Variants in GRM8 observed in about 807,000 individuals in gnomAD.
The protein encoded by GRM8 is glutamate metabotropic receptor 8.
GRM8 carries 47 observed loss-of-function variants against 87.2 expected under a neutral mutation model. The ratio of observed to expected loss-of-function variants is 0.54; its 90% CI spans 0.43 to 0.69. The LOEUF is 0.69. GRM8 is among the 30% of genes least tolerant of loss of function. The pLI, the probability that GRM8 is intolerant of heterozygous loss-of-function variation, is 0.00. For missense variants in GRM8, 1,019 were observed against 1,139.2 expected, an observed-to-expected ratio of 0.89 and a Z score of 1.52; for synonymous variants, 396 against 404.5, an observed-to-expected ratio of 0.98 and a Z score of 0.25.
At chr7:126,645,593 G>T (rs375433165) in intron 7 of GRM8, among the ~76,000 whole-genome samples, 1 of 152,156 alleles carries the variant, frequency 6.6e-6, no homozygotes, top group African/African-American at 2.4e-5. Context: ...ACTCTATACT[G>T]CAATAGCACC....
chr7:127,041,257 G>A (rs1265231244), intron 3 of GRM8, among the ~76,000 whole-genome samples: 3 of 152,180 alleles, frequency 2.0e-5, no homozygotes, highest in Non-Finnish European at 2.9e-5. Context: ...TTCAGGGCAG[G>A]TTTGCATCTG....
At chr7:126,827,612 G>C (rs2130328749) in intron 6 of GRM8, among the ~76,000 whole-genome samples, 1 of 152,240 alleles carries the variant, frequency 6.6e-6, no homozygotes, top group Non-Finnish European at 1.5e-5. Flanking sequence ...AGGAGATTTT[G>C]GGCTGAGACA....
At chr7:126,887,384 C>T (rs553813688) in intron 6 of GRM8, among the ~76,000 whole-genome samples, 1 of 152,028 alleles carries the variant, frequency 6.6e-6, no homozygotes, top group African/African-American at 2.4e-5. Flanking sequence ...AGATTTTTGG[C>T]CACAGGGCTG....
At chr7:127,202,505 G>T (rs909384694) in intron 2 of GRM8, among the ~76,000 whole-genome samples, 2 of 152,144 alleles carry the variant, frequency 1.3e-5, no homozygotes, top group African/African-American at 4.8e-5. Context: ...TGCATTCTAC[G>T]TATTTACAAA....
At chr7:127,216,863 CTCA>C (rs1796589600) in intron 2 of GRM8, among the ~76,000 whole-genome samples, 1 of 152,176 alleles carries the variant, frequency 6.6e-6, no homozygotes, top group Non-Finnish European at 1.5e-5. Context: ...GGTCCCACTT[CTCA>C]TCATGAGTCT....
At chr7:127,015,001 AAAGAAGAAGAAGAAGAAGAAGAAGAAG>A (rs538403014) in intron 3 of GRM8, among the ~76,000 whole-genome samples, 47 of 59,704 alleles carry the variant, frequency 7.9e-4, no homozygotes, top group East Asian at 2.9e-3. Flanking sequence ...GAAGAAGAAG[AAAGAAGAAGAAGAAGAAGAAGAAGAAG>A]AAGAAGAAGA....
At chr7:127,135,457 CT>C (rs1385636928) in intron 2 of GRM8, among the ~76,000 whole-genome samples, 1 of 151,784 alleles carries the variant, frequency 6.6e-6, no homozygotes, top group Non-Finnish European at 1.5e-5. Context: ...CTAATTCCAA[CT>C]GATCTTTCCC....
intron 6 of GRM8, among the ~76,000 whole-genome samples, chr7:126,866,081 C>G (rs1358489258): frequency 6.6e-6 from 1 of 152,174 alleles, no homozygotes; most frequent in African/African-American, 2.4e-5. Context: ...CACATCCTTG[C>G]CAAAACTCGT....
intron 2 of GRM8, among the ~76,000 whole-genome samples, chr7:127,169,554 A>G (rs933550995): frequency 1.3e-5 from 2 of 151,876 alleles, no homozygotes; most frequent in Non-Finnish European, 3.0e-5. Context: ...AGGCAGCTAC[A>G]CTAAACAGAT....
chr7:126,606,229 A>G (rs1358954746), intron 8 of GRM8, among the ~76,000 whole-genome samples: 1 of 152,158 alleles, frequency 6.6e-6, no homozygotes, highest in Non-Finnish European at 1.5e-5. Flanking sequence ...TTTCTCACAC[A>G]AACTCAAGTC....
intron 8 of GRM8, among the ~76,000 whole-genome samples, chr7:126,542,631 T>C (rs1279536760): frequency 6.6e-6 from 1 of 152,200 alleles, no homozygotes; most frequent in South Asian, 2.1e-4. Context: ...GATTAGAACA[T>C]GGTGTGTATC....
intron 3 of GRM8, among the ~76,000 whole-genome samples, chr7:126,938,187 C>T (rs1446446119): frequency 6.6e-6 from 1 of 152,106 alleles, no homozygotes; most frequent in Non-Finnish European, 1.5e-5. Flanking sequence ...TCTGTCCCTT[C>T]CCCTTCTCTG....
chr7:127,218,149 G>A (rs935032573), intron 2 of GRM8, among the ~76,000 whole-genome samples: 1 of 152,194 alleles, frequency 6.6e-6, no homozygotes, highest in African/African-American at 2.4e-5. Context: ...CTCTGTTCCA[G>A]GATAAAAACA....
chr7:127,032,111 G>C (rs1817436983), intron 3 of GRM8, among the ~76,000 whole-genome samples: 1 of 152,106 alleles, frequency 6.6e-6, no homozygotes, highest in Admixed American at 6.6e-5. Flanking sequence ...TCATGTCCAA[G>C]TGGTGAACCT....
At chr7:126,453,459 G>A (rs1378235690) in intron 9 of GRM8, among the ~76,000 whole-genome samples, 2 of 151,764 alleles carry the variant, frequency 1.3e-5, no homozygotes, top group Non-Finnish European at 2.9e-5. Context: ...TGCAGAGCAG[G>A]GCTTGTTCTC....
At chr7:126,720,894 G>T (rs1377246022) in intron 7 of GRM8, among the ~76,000 whole-genome samples, 3 of 152,208 alleles carry the variant, frequency 2.0e-5, no homozygotes, top group Non-Finnish European at 2.9e-5. Flanking sequence ...AGAGCTTTCA[G>T]ATGGCTTTTG....
chr7:126,594,574 A>G (rs59704594), intron 8 of GRM8, among the ~76,000 whole-genome samples: 46,907 of 151,972 alleles, frequency 0.31, 8,122 homozygotes, highest in East Asian at 0.44. Flanking sequence ...GGCTTGGGTC[A>G]TTGAAGGATG....
chr7:126,506,205 G>A (rs1453831315), intron 9 of GRM8, among the ~76,000 whole-genome samples: 12 of 151,920 alleles, frequency 7.9e-5, no homozygotes, highest in Admixed American at 2.0e-4. Context: ...ATTCCACTGC[G>A]TATATGTGTA....
At chr7:126,909,163 A>G (rs1224759364) in intron 3 of GRM8, among the ~76,000 whole-genome samples, 1 of 152,246 alleles carries the variant, frequency 6.6e-6, no homozygotes. Flanking sequence ...GGTAACACAG[A>G]TAACAGCATA....
Sources: allele counts gnomAD v4.1 joint callset (sites outside exome capture counted in the v4.1 genomes callset), GRCh38; gene constraint gnomAD v4.1.1; transcripts MANE v1.5; gene names NCBI Gene and HGNC (gene_info 2026-07-23, HGNC 2026-07-21).